Variants in ATAD3B observed in about 807,000 individuals in gnomAD.
ATAD3B encodes the protein ATPase family AAA domain containing 3B, also known as ATPase family AAA domain-containing protein 3B.
Under a neutral mutation model 70.2 loss-of-function variants are expected in ATAD3B, and 59 were observed. The observed-to-expected ratio is 0.84, with a 90% CI of 0.68 to 1.04. ATAD3B has a LOEUF of 1.04. Among genes scored for constraint, ATAD3B ranks in the 50% least tolerant of loss-of-function variants. The pLI is 0.00. For missense variants in ATAD3B, 961 were observed against 913.4 expected, an observed-to-expected ratio of 1.05 and a Z score of -0.67; for synonymous variants, 423 against 388.6, an observed-to-expected ratio of 1.09 and a Z score of -1.04.
chr1:1,481,021 G>T (rs565486225), intron 5 of ATAD3B, 85 bp downstream of exon 5: 2 of 1,557,440 alleles, frequency 1.3e-6, no homozygotes, highest in Non-Finnish European at 1.7e-6. Flanking sequence ...GAGTTCTGCC[G>T]CCCGGCCCCT....
At chr1:1,507,673 G>C in the ATAD3B span, among the ~76,000 whole-genome samples, 1 of 152,140 alleles carries the variant, frequency 6.6e-6, no homozygotes, top group Non-Finnish European at 1.5e-5. Flanking sequence ...TCTTCATCTG[G>C]GTTTGATATC....
chr1:1,475,170 C>T (rs1327952006), intron 1 of ATAD3B, among the ~76,000 whole-genome samples: 3 of 149,888 alleles, frequency 2.0e-5, no homozygotes, highest in Non-Finnish European at 4.4e-5. Context: ...TTGGTCTGCC[C>T]TCTCTGTGGT....
At chr1:1,485,673 G>T in intron 8 of ATAD3B, 109 bp from the exon 9 acceptor site, 1 of 1,524,754 alleles carries the variant, frequency 6.6e-7, no homozygotes, top group Non-Finnish European at 8.9e-7. Flanking sequence ...TCCTGGCTGT[G>T]CTTTGGGGCA....
intron 12 of ATAD3B, among the ~76,000 whole-genome samples, chr1:1,488,966 TTGGCCAGGC>T (rs1325818167): frequency 6.6e-6 from 1 of 151,854 alleles, no homozygotes; most frequent in East Asian, 1.9e-4. Context: ...TCTCACCATG[TTGGCCAGGC>T]TGGTCTCAAA....
the ATAD3B span, among the ~76,000 whole-genome samples, chr1:1,504,070 C>T: frequency 6.6e-6 from 1 of 152,016 alleles, no homozygotes; most frequent in Non-Finnish European, 1.5e-5. Flanking sequence ...TCACTGCAAT[C>T]TCTGCCTTCC....
chr1:1,489,306 G>A, intron 13 of ATAD3B, 32 bp downstream of exon 13: 1 of 1,612,896 alleles, frequency 6.2e-7, no homozygotes, highest in Non-Finnish European at 8.5e-7. Context: ...TGAGCCCCCG[G>A]GCAGGGCTGT....
chr1:1,484,047 C>G (rs1640070665), intron 7 of ATAD3B: 1 of 152,134 alleles, frequency 6.6e-6, no homozygotes, highest in South Asian at 2.1e-4. Flanking sequence ...GGGGCGCCAC[C>G]ACAGCAGGCC....
chr1:1,490,483 CA>C, intron 14 of ATAD3B, 59 bp downstream of exon 14: 2 of 1,610,724 alleles, frequency 1.2e-6, no homozygotes, highest in Non-Finnish European at 1.7e-6. Context: ...GGGTGTAGGC[CA>C]GCTGCCTGTC....
chr1:1,485,397 G>C (rs1216721163), intron 8 of ATAD3B, among the ~76,000 whole-genome samples: 1 of 152,064 alleles, frequency 6.6e-6, no homozygotes, highest in Admixed American at 6.6e-5. Context: ...CAGGGCTCTT[G>C]ATGGGGCCTG....
chr1:1,477,148 A>G, intron 1 of ATAD3B, 126 bp from the exon 2 acceptor site: 1 of 1,272,890 alleles, frequency 7.9e-7, no homozygotes, highest in East Asian at 2.5e-5. Context: ...TGCTGGGATT[A>G]CAGGCGTGAA....
downstream of ATAD3B, among the ~76,000 whole-genome samples, chr1:1,500,152 C>T (rs1162003869): frequency 6.6e-6 from 1 of 151,456 alleles, no homozygotes; most frequent in Admixed American, 6.6e-5. Flanking sequence ...CCCGCCTCAG[C>T]CTCCCAAAGT....
At chr1:1,495,355 A>G (rs1018524539) in intron 15 of ATAD3B, 130 bp from the exon 16 acceptor site, 1 of 1,281,060 alleles carries the variant, frequency 7.8e-7, no homozygotes, top group Non-Finnish European at 1.1e-6. Context: ...AAGGTGTGGG[A>G]AGCCTGTGTT....
In ATAD3B at chr1:1,488,019, A is replaced by G. The variant is rs112245150; in HGVS notation, c.1266+105A>G. 4,538 of 1,494,676 alleles carry G rather than the reference A, an allele frequency of 3.0e-3. 135 individuals carry two copies. The African/African-American group carries it at 0.054, about 18-fold the overall frequency. The allele number at this position is 1,494,676 out of a possible 1,614,324, so 92.6% of individuals were successfully genotyped here. A position where few individuals can be genotyped will look rare whatever the true frequency, so the allele number is the denominator to read the frequency against. ...CCTTAAGCTGGCTTGCAGTGGCGCA[A>G]TCTTGGCTCGCTGCAACCTCTGCCT... On this transcript the variant is annotated intron_variant, in intron 12 of 15. Transcript: ENST00000673477.
chr1:1,484,299 G>C (rs1640084996), intron 7 of ATAD3B: 1 of 151,878 alleles, frequency 6.6e-6, no homozygotes, highest in African/African-American at 2.4e-5. Context: ...TCCTGTCTCA[G>C]CCTCCGGAGT....
chr1:1,496,881 A>T lies in ATAD3B; in HGVS notation c.*1064A>T, dbSNP rs1023045217. On this transcript the variant is annotated 3_prime_UTR_variant, in exon 16 of 16. Coordinates refer to ENST00000673477, the MANE Select transcript of ATAD3B (RefSeq NM_031921.6). Reference sequence around the variant, plus strand: ...CTGGAACCTGCACAGTCACTCCTCCAGGTCCTCGCTGCTGGAGGACTCTCA... The same window carrying T: ...CTGGAACCTGCACAGTCACTCCTCCTGGTCCTCGCTGCTGGAGGACTCTCA... The T allele has an allele frequency of 1.4e-5, 2 of 144,908 alleles. No homozygotes were observed. Among genetic ancestry groups the T allele is most frequent in the Non-Finnish European group, 3.0e-5 (2 of 67,538 alleles). The allele number at this position is 144,908 out of a possible 1,614,324, so 9.0% of individuals were successfully genotyped here.
At chr1:1,479,668 AAC>A (rs1429014743) in intron 4 of ATAD3B, among the ~76,000 whole-genome samples, 2 of 139,576 alleles carry the variant, frequency 1.4e-5, no homozygotes, top group Admixed American at 7.3e-5. Flanking sequence ...GACACACCCA[AAC>A]ACACATGGGT....
At position 1,490,268 on chromosome 1, in the gene ATAD3B, TC is replaced by T. The variant is rs1381808429; in HGVS notation, c.1351del (p.Leu451TrpfsTer19). Reference sequence around the variant, plus strand: ...TCCCTGTCCTACAGATTCATGCTGGTCCTGGCCAGCAATCTGCCTGAGCAGT... The same window carrying T: ...TCCCTGTCCTACAGATTCATGCTGGTCTGGCCAGCAATCTGCCTGAGCAGT... The part of the protein sequence containing the change: ...MGQHSNKFML[V>X]LASNLPEQFD... On this transcript the variant is annotated frameshift_variant, in exon 14 of 16. Transcript: ENST00000673477. LOFTEE classifies it high-confidence loss of function. The T allele has an allele frequency of 6.2e-7, 1 of 1,612,736 alleles. No homozygotes were observed. The highest frequency in any genetic ancestry group is 1.3e-5 in the African/African-American group (1 of 75,054).
intron 2 of ATAD3B, chr1:1,478,317 A>C: frequency 9.1e-7 from 1 of 1,096,062 alleles, no homozygotes; most frequent in African/African-American, 1.6e-5. Flanking sequence ...GATTCCTAGA[A>C]TGGGCACGAG....
intron 15 of ATAD3B, among the ~76,000 whole-genome samples, chr1:1,492,803 G>C (rs1350352525): frequency 6.6e-6 from 1 of 151,824 alleles, no homozygotes; most frequent in African/African-American, 2.4e-5. Context: ...TCCAGGCGTG[G>C]TGGCTGGCGC....
Sources: gnomAD v4.1 joint callset for allele counts (sites outside exome capture counted in the v4.1 genomes callset) on GRCh38, gnomAD v4.1.1 for gene constraint, MANE v1.5 for transcripts, NCBI Gene and HGNC (gene_info 2026-07-23, HGNC 2026-07-21) for gene names.